The following WLS variants were observed in gnomAD, a reference collection of about 807,000 sequenced individuals.
WLS encodes Wnt ligand secretion mediator.
A neutral mutation model predicts 62.8 loss-of-function variants in WLS; 23 were observed. The ratio of observed to expected loss-of-function variants is 0.37; its 90% CI spans 0.26 to 0.52. The LOEUF (loss-of-function observed/expected upper bound fraction) is 0.52. Among genes scored for constraint, WLS ranks in the 20% least tolerant of loss-of-function variants. The probability of loss-of-function intolerance (pLI) is 0.92; values close to 1 mark genes in which losing one functional copy is unlikely to be tolerated. For synonymous variants in WLS, 246 were observed against 244.1 expected (o/e 1.01, Z -0.07); for missense variants, 615 against 697.3 (o/e 0.88, Z 1.33).
intron 5 of WLS, 48 bp downstream of exon 5, chr1:68,153,469 T>G: frequency 6.2e-7 from 1 of 1,610,798 alleles, no homozygotes; most frequent in Non-Finnish European, 8.5e-7. Context: ...GCTTGGCAGA[T>G]CATGAGAAGC....
chr1:68,220,323 A>AC (rs907810989), intron 1 of WLS, among the ~76,000 whole-genome samples: 1 of 152,194 alleles, frequency 6.6e-6, no homozygotes, highest in African/African-American at 2.4e-5. Flanking sequence ...AAACAAACAA[A>AC]CAGACTTGAA....
intron 2 of WLS, among the ~76,000 whole-genome samples, chr1:68,192,474 G>A: frequency 6.6e-6 from 1 of 151,800 alleles, no homozygotes; most frequent in East Asian, 1.9e-4. Flanking sequence ...CTACTCAAGA[G>A]GCTGAGGTGG....
At chr1:68,198,500 G>A (rs1648804736) in intron 1 of WLS, among the ~76,000 whole-genome samples, 1 of 152,104 alleles carries the variant, frequency 6.6e-6, no homozygotes. Context: ...CAAATTCAAG[G>A]TGTGAAGAAA....
chr1:68,156,074 T>G (rs1248370840), intron 3 of WLS, among the ~76,000 whole-genome samples: 1 of 152,094 alleles, frequency 6.6e-6, no homozygotes, highest in South Asian at 2.1e-4. Flanking sequence ...ACCTTTTTTT[T>G]GAAAACTAAA....
At chr1:68,221,229 C>A (rs1227658704) in intron 1 of WLS, among the ~76,000 whole-genome samples, 2 of 152,140 alleles carry the variant, frequency 1.3e-5, no homozygotes, top group African/African-American at 2.4e-5. Context: ...CATGGACCTG[C>A]AAATTCTGAA....
intron 4 of WLS, among the ~76,000 whole-genome samples, chr1:68,154,773 G>A (rs977789747): frequency 1.3e-5 from 2 of 152,120 alleles, no homozygotes; most frequent in Admixed American, 1.3e-4. Flanking sequence ...TAACATTTGT[G>A]CTTGCAAGGT....
At chr1:68,127,064 T>C in intron 11 of WLS, 2 of 398,322 alleles carry the variant, frequency 5.0e-6, no homozygotes, top group South Asian at 1.8e-5. Context: ...GTGCAGTAAC[T>C]CACACTTGTA....
chr1:68,168,450 T>C (rs1647095224), intron 2 of WLS, among the ~76,000 whole-genome samples: 1 of 152,194 alleles, frequency 6.6e-6, no homozygotes, highest in South Asian at 2.1e-4. Context: ...CAGTGGGAAC[T>C]ACTCCCTAAG....
At chr1:68,226,677 A>C (rs1049713483) in intron 1 of WLS, among the ~76,000 whole-genome samples, 18 of 152,090 alleles carry the variant, frequency 1.2e-4, no homozygotes, top group Non-Finnish European at 2.2e-4. Context: ...CCCCTAGTTT[A>C]CTCAAGCTCC....
In WLS at chr1:68,229,101, G is replaced by A. The variant is rs1164675219; in HGVS notation, c.106+3093C>T. On this transcript the variant is annotated intron_variant, in intron 1 of 11. Transcript: ENST00000262348. ...GAAAGAGTTACACAATTTTAGAACC[G>A]AAAGGGACCTTAAACTCCTTCCTCT... 3.9e-5 allele frequency among the ~76,000 whole-genome samples: 6 copies of A among 151,992 alleles called. 1 individual carries two copies. The highest frequency in any genetic ancestry group is 7.3e-5 in the African/African-American group (3 of 41,378).
chr1:68,106,014 C>T (rs1297414106), intron 11 of WLS, among the ~76,000 whole-genome samples: 1 of 152,076 alleles, frequency 6.6e-6, no homozygotes, highest in Non-Finnish European at 1.5e-5. Flanking sequence ...TAAAACTAAA[C>T]ATTGGTCACT....
At chr1:68,204,873 A>G (rs1557519338) in intron 1 of WLS, among the ~76,000 whole-genome samples, 1 of 152,202 alleles carries the variant, frequency 6.6e-6, no homozygotes, top group East Asian at 1.9e-4. Context: ...TCACTTCTGA[A>G]CCCTACAAAA....
chr1:68,211,700 C>G (rs544076895), intron 1 of WLS, among the ~76,000 whole-genome samples: 1 of 152,204 alleles, frequency 6.6e-6, no homozygotes, highest in African/African-American at 2.4e-5. Context: ...TCTTACAGAT[C>G]TCTTCCCCAT....
intron 11 of WLS, among the ~76,000 whole-genome samples, chr1:68,106,289 A>AGT (rs1227528797): frequency 1.3e-5 from 2 of 152,354 alleles, no homozygotes; most frequent in Admixed American, 1.3e-4. Flanking sequence ...GTTAGCAGTG[A>AGT]GTGCTCTTGA....
At chr1:68,147,324 T>A (rs967661872) in intron 8 of WLS, among the ~76,000 whole-genome samples, 8 of 152,172 alleles carry the variant, frequency 5.3e-5, no homozygotes, top group African/African-American at 1.9e-4. Flanking sequence ...AGGGTAGAGC[T>A]TCTCTCTCAT....
At chr1:68,216,583 G>A (rs1259814334) in intron 1 of WLS, among the ~76,000 whole-genome samples, 3 of 152,184 alleles carry the variant, frequency 2.0e-5, no homozygotes, top group Non-Finnish European at 4.4e-5. Flanking sequence ...TTTCTCTGCA[G>A]CAAAAGGGCA....
At chr1:68,124,203 G>A (rs1646396969), downstream of WLS, among the ~76,000 whole-genome samples, 1 of 152,130 alleles carries the variant, frequency 6.6e-6, no homozygotes, top group African/African-American at 2.4e-5. Flanking sequence ...CAGTCTCTGT[G>A]ATCTCTTTTC....
Position 68,193,997 on chromosome 1 carries a change from T to C in WLS, c.337A>G (p.Ile113Val). ...TTGAAGGCAATGTCCAGCTGCAGGA[T>C]AAACAGCATGAATTGGAACCAAGGA... The part of the protein sequence containing the change: ...MSPWFQFMLF[I>V]LQLDIAFKLN... Residue 113 changes from isoleucine to valine, a missense_variant, in exon 2 of 12, where the codon ATC (isoleucine) becomes GTC (valine). Coordinates refer to ENST00000262348, the MANE Select transcript of WLS (RefSeq NM_024911.7). 1.2e-6 allele frequency: 2 copies of C among 1,614,174 alleles called. No individual in the cohort carries two copies. The highest frequency in any genetic ancestry group is 1.7e-6 in the Non-Finnish European group (2 of 1,180,032).
chr1:68,150,061 C>T, intron 6 of WLS, 127 bp downstream of exon 6: 4 of 984,206 alleles, frequency 4.1e-6, no homozygotes, highest in Non-Finnish European at 6.0e-6. Flanking sequence ...TCCAGAGTTC[C>T]CACTTGTAAC....
Sources: gnomAD v4.1 joint callset for allele counts (sites outside exome capture counted in the v4.1 genomes callset) on GRCh38, gnomAD v4.1.1 for gene constraint, MANE v1.5 for transcripts, NCBI Gene and HGNC (gene_info 2026-07-23, HGNC 2026-07-21) for gene names.